Variants in CCSER1 observed in about 807,000 individuals in gnomAD.
CCSER1 encodes the protein coiled-coil serine rich protein 1.
A neutral mutation model predicts 82.0 loss-of-function variants in CCSER1; 41 were observed. That is an observed-to-expected ratio of 0.50 (90% CI 0.39 to 0.65). The LOEUF (loss-of-function observed/expected upper bound fraction) is 0.65, where lower values mean the gene tolerates loss of function less well. CCSER1 is among the 30% of genes least tolerant of loss of function. The pLI, the probability that CCSER1 is intolerant of heterozygous loss-of-function variation, is 0.00. For missense variants in CCSER1, 1,119 were observed against 1,064.2 expected (o/e 1.05, Z -0.72); for synonymous variants, 414 against 383.9 (o/e 1.08, Z -0.92).
rs1236670782 is a variant in CCSER1, at chr4:90,949,556, G to A, written c.2172+26109G>A. ...ACTAAATTCCCAACTGGAGTTATAGGTTTTGTTTTCATGTGATATATGAGG... is the reference window on the plus strand; with the variant it reads ...ACTAAATTCCCAACTGGAGTTATAGATTTTGTTTTCATGTGATATATGAGG... On this transcript the variant is annotated intron_variant, in intron 9 of 10. Coordinates refer to ENST00000509176, the MANE Select transcript of CCSER1 (RefSeq NM_001145065.2). Among the ~76,000 whole-genome samples, 3 of 151,984 alleles carry A rather than the reference G, an allele frequency of 2.0e-5. 1 individual carries two copies. The highest frequency in any genetic ancestry group is 4.4e-5 in the Non-Finnish European group (3 of 67,952).
chr4:90,299,073 A>G (rs1732578798), intron 1 of CCSER1, among the ~76,000 whole-genome samples: 1 of 152,052 alleles, frequency 6.6e-6, no homozygotes, highest in African/African-American at 2.4e-5. Flanking sequence ...ATAAATGTGT[A>G]ACTTATGTCT....
At chr4:90,457,966 G>T (rs183670907) in intron 4 of CCSER1, among the ~76,000 whole-genome samples, 1 of 152,202 alleles carries the variant, frequency 6.6e-6, no homozygotes, top group Admixed American at 6.5e-5. Flanking sequence ...CGAGACAGCA[G>T]GGTTCTGGTG....
intron 8 of CCSER1, among the ~76,000 whole-genome samples, chr4:90,915,081 G>T (rs1296451044): frequency 1.3e-5 from 2 of 152,152 alleles, no homozygotes; most frequent in East Asian, 3.9e-4. Context: ...AATTCTACCA[G>T]AGGTACAAGG....
intron 7 of CCSER1, among the ~76,000 whole-genome samples, chr4:90,811,991 A>AT (rs1561180858): frequency 6.8e-5 from 8 of 117,992 alleles, no homozygotes; most frequent in Admixed American, 1.6e-4. Flanking sequence ...TATATATATA[A>AT]ACACATATAT....
At chr4:91,055,160 A>G (rs1743333523) in intron 9 of CCSER1, among the ~76,000 whole-genome samples, 1 of 152,118 alleles carries the variant, frequency 6.6e-6, no homozygotes, top group Admixed American at 6.6e-5. Context: ...GCAAAATTAT[A>G]TAGCTATTTG....
chr4:90,141,198 A>G (rs1281581687), intron 1 of CCSER1, among the ~76,000 whole-genome samples: 4 of 152,176 alleles, frequency 2.6e-5, no homozygotes, highest in Non-Finnish European at 5.9e-5. Context: ...TTTCTTTTCC[A>G]GCAAACATCA....
At chr4:90,656,360 C>T (rs1323922676) in intron 6 of CCSER1, among the ~76,000 whole-genome samples, 1 of 150,592 alleles carries the variant, frequency 6.6e-6, no homozygotes, top group Non-Finnish European at 1.5e-5. Flanking sequence ...TTTAATATAT[C>T]TTGAAAATAT....
chr4:91,116,777 A>AT lies in CCSER1; in HGVS notation c.2217+30791dup, dbSNP rs575577270. ...AAGTGATAAACAAAAAACAGGGATC[A>AT]TTTTTTTTACTTCAACCTGCATGAA... On this transcript the variant is annotated intron_variant, in intron 10 of 10. Coordinates refer to ENST00000509176, the MANE Select transcript of CCSER1 (RefSeq NM_001145065.2). 4.4e-3 allele frequency among the ~76,000 whole-genome samples: 670 copies of AT among 152,034 alleles called. 6 individuals carry two copies. Among genetic ancestry groups the AT allele is most frequent in the African/African-American group, 0.015 (621 of 41,476 alleles).
At chr4:90,339,832 G>A (rs970512400) in intron 3 of CCSER1, among the ~76,000 whole-genome samples, 1 of 151,730 alleles carries the variant, frequency 6.6e-6, no homozygotes, top group East Asian at 1.9e-4. Context: ...CATAATATAT[G>A]TTTGCTTACT....
At chr4:90,724,051 T>A in intron 7 of CCSER1, 60 bp downstream of exon 7, 1 of 1,022,100 alleles carries the variant, frequency 9.8e-7, no homozygotes, top group Non-Finnish European at 1.5e-6. Context: ...ATAAATAGTT[T>A]AAAATAGTTT....
chr4:90,312,478 G>A (rs998222850), intron 2 of CCSER1, among the ~76,000 whole-genome samples: 5 of 152,240 alleles, frequency 3.3e-5, no homozygotes, highest in South Asian at 4.2e-4. Context: ...ATTGTGTTGC[G>A]GGTGGAGAGG....
intron 1 of CCSER1, among the ~76,000 whole-genome samples, chr4:90,280,352 C>G (rs962186492): frequency 6.6e-6 from 1 of 151,794 alleles, no homozygotes; most frequent in Non-Finnish European, 1.5e-5. Flanking sequence ...CCCTTCCTCT[C>G]TCTCTTCATT....
intron 7 of CCSER1, among the ~76,000 whole-genome samples, chr4:90,757,502 C>T (rs1749720538): frequency 6.6e-6 from 1 of 152,136 alleles, no homozygotes; most frequent in South Asian, 2.1e-4. Context: ...TTGGTTTGGT[C>T]TATTGGGCCT....
intron 7 of CCSER1, among the ~76,000 whole-genome samples, chr4:90,748,993 T>C (rs9761525): frequency 0.26 from 38,723 of 149,600 alleles, 5,678 homozygotes; most frequent in Middle Eastern, 0.34. Flanking sequence ...AGGTTGCCTG[T>C]TCACTCTGAT....
chr4:91,364,105 T>G (rs1388075730), intron 10 of CCSER1, among the ~76,000 whole-genome samples: 1 of 152,128 alleles, frequency 6.6e-6, no homozygotes. Context: ...GCAGAAATTA[T>G]GAATGTTATA....
At chr4:90,863,340 T>C (rs1765327250) in intron 8 of CCSER1, among the ~76,000 whole-genome samples, 1 of 152,006 alleles carries the variant, frequency 6.6e-6, no homozygotes, top group Admixed American at 6.6e-5. Flanking sequence ...TATAGAGTAG[T>C]GAGTTCCTGT....
intron 10 of CCSER1, among the ~76,000 whole-genome samples, chr4:91,270,892 AT>A (rs1741973039): frequency 6.6e-6 from 1 of 152,220 alleles, no homozygotes; most frequent in Non-Finnish European, 1.5e-5. Flanking sequence ...ACTGAAAAAA[AT>A]AGTTAAATAA....
intron 4 of CCSER1, among the ~76,000 whole-genome samples, chr4:90,458,521 T>A (rs1762475402): frequency 6.6e-6 from 1 of 151,564 alleles, no homozygotes; most frequent in African/African-American, 2.4e-5. Context: ...CCTGGCTAAT[T>A]TTTTTTTATT....
chr4:90,239,094 G>A (rs908815266), intron 1 of CCSER1, among the ~76,000 whole-genome samples: 1 of 152,082 alleles, frequency 6.6e-6, no homozygotes, highest in African/African-American at 2.4e-5. Flanking sequence ...CAGGTGATCC[G>A]CCTGCCTGGG....
Sources: gnomAD v4.1 joint callset for allele counts (sites outside exome capture counted in the v4.1 genomes callset) on GRCh38, gnomAD v4.1.1 for gene constraint, MANE v1.5 for transcripts, NCBI Gene and HGNC (gene_info 2026-07-23, HGNC 2026-07-21) for gene names.